ANKRD30A: variants seen among roughly 807,000 people sequenced by gnomAD.
The protein encoded by ANKRD30A is ankyrin repeat domain-containing protein 30A.
ANKRD30A carries 170 observed loss-of-function variants against 166.3 expected under a neutral mutation model. The observed-to-expected ratio is 1.02, with a 90% CI of 0.90 to 1.16. The LOEUF is 1.16. Ranked by LOEUF, ANKRD30A falls within the 50% of genes most tolerant of loss-of-function variation. ANKRD30A has a pLI of 0.00. For missense variants in ANKRD30A, 1,630 were observed against 1,518.0 expected (o/e 1.07, Z -1.23); for synonymous variants, 564 against 508.9 (o/e 1.11, Z -1.46).
the ANKRD30A span, among the ~76,000 whole-genome samples, chr10:37,256,139 A>C: frequency 6.6e-6 from 1 of 152,126 alleles, no homozygotes; most frequent in Non-Finnish European, 1.5e-5. Flanking sequence ...TCATTCCATC[A>C]TACCATTCTG....
chr10:37,241,444 G>A, the ANKRD30A span, among the ~76,000 whole-genome samples: 1 of 151,390 alleles, frequency 6.6e-6, no homozygotes, highest in East Asian at 1.9e-4. Flanking sequence ...AATTTATATG[G>A]CATTTTAAAC....
At chr10:37,207,061 CA>C (rs1166953503) in intron 31 of ANKRD30A, among the ~76,000 whole-genome samples, 4 of 151,764 alleles carry the variant, frequency 2.6e-5, no homozygotes, top group Non-Finnish European at 5.9e-5. Context: ...ATGAGGGGAT[CA>C]AAAAACATTC....
rs1842793186 is a variant in ANKRD30A at position 37,219,691 on chromosome 10, CA to C, written c.3982del (p.Ser1328AlafsTer10). 1 of 1,608,978 alleles carries C rather than the reference CA, an allele frequency of 6.2e-7. No individual in the cohort carries two copies. The highest frequency in any genetic ancestry group is 1.1e-5 in the South Asian group (1 of 90,864). ...ESLDQKLFQLQSKNMWLQQQL... is the reference protein window; with the variant it reads ...ESLDQKLFQLXSKNMWLQQQL... Reference sequence around the variant, plus strand: ...TCTAGATCAGAAATTATTTCAACTACAAAGCAAAAATATGTGGCTTCAACAG... The same window carrying C: ...TCTAGATCAGAAATTATTTCAACTACAAGCAAAAATATGTGGCTTCAACAG... On this transcript the variant is annotated frameshift_variant, in exon 34 of 36. Transcript: ENST00000361713. LOFTEE classifies it high-confidence loss of function.
At chr10:37,162,608 T>A in intron 15 of ANKRD30A, 41 bp from the exon 16 acceptor site, 1 of 1,611,008 alleles carries the variant, frequency 6.2e-7, no homozygotes, top group Non-Finnish European at 8.5e-7. Context: ...TGGCTTGTCA[T>A]ATTTACATAT....
At chr10:37,159,514 A>G (rs997080179) in intron 15 of ANKRD30A, among the ~76,000 whole-genome samples, 3 of 152,148 alleles carry the variant, frequency 2.0e-5, no homozygotes, top group African/African-American at 7.2e-5. Context: ...CTCCATCTGA[A>G]AAAGCAAAGA....
chr10:37,241,576 G>A, the ANKRD30A span, among the ~76,000 whole-genome samples: 1 of 151,926 alleles, frequency 6.6e-6, no homozygotes, highest in Non-Finnish European at 1.5e-5. Context: ...AAACTACCAA[G>A]TTGTTATTAG....
intron 31 of ANKRD30A, among the ~76,000 whole-genome samples, chr10:37,215,425 A>G (rs1414328648): frequency 6.6e-6 from 1 of 151,140 alleles, no homozygotes; most frequent in African/African-American, 2.4e-5. Context: ...GTTTCTTGCT[A>G]TTGCTTCTGT....
intron 15 of ANKRD30A, among the ~76,000 whole-genome samples, chr10:37,159,575 C>G (rs530284644): frequency 1.3e-5 from 2 of 152,040 alleles, no homozygotes; most frequent in Non-Finnish European, 2.9e-5. Flanking sequence ...ACCATGTGTA[C>G]AATTTGTTTT....
chr10:37,142,288 A>G lies in ANKRD30A; in HGVS notation c.1391A>G (p.Asn464Ser), dbSNP rs754022269. ...GAATCATCTACAAAAGCAAGTGCCA[A>G]TGGTAAGATGCTAGAGCGAACTTTG... The part of the protein sequence containing the change: ...TKESSTKASA[N>S]DQRFPSESKQ... Residue 464 changes from asparagine to serine, a missense_variant and splice_region_variant, in exon 7 of 36, where the codon AAT becomes AGT. By Grantham distance (46) the Asn-to-Ser change is conservative. Coordinates refer to ENST00000361713, the MANE Select transcript of ANKRD30A (RefSeq NM_052997.3). The G allele has an allele frequency of 1.4e-5, 23 of 1,587,988 alleles. No individual in the cohort carries two copies. The highest frequency in any genetic ancestry group is 1.9e-5 in the Non-Finnish European group (22 of 1,172,358).
chr10:37,166,131 G>A (rs1839314751), intron 18 of ANKRD30A, among the ~76,000 whole-genome samples: 5 of 152,108 alleles, frequency 3.3e-5, no homozygotes, highest in Admixed American at 3.3e-4. Context: ...TTCTATGACA[G>A]ACTCTAAAAG....
chr10:37,136,945 A>T (rs954099192), intron 6 of ANKRD30A, among the ~76,000 whole-genome samples: 1 of 151,638 alleles, frequency 6.6e-6, no homozygotes, highest in Admixed American at 6.6e-5. Flanking sequence ...CTGAAAAAAT[A>T]TTTGTTTAAT....
intron 1 of ANKRD30A, among the ~76,000 whole-genome samples, chr10:37,128,379 A>G (rs764028062): frequency 7.2e-5 from 11 of 151,922 alleles, no homozygotes; most frequent in Admixed American, 1.3e-4. Context: ...TTTAATTTTT[A>G]TTTTTTGTGG....
chr10:37,250,650 A>G, the ANKRD30A span, among the ~76,000 whole-genome samples: 1 of 152,066 alleles, frequency 6.6e-6, no homozygotes, highest in Admixed American at 6.5e-5. Flanking sequence ...ACCTCTCACA[A>G]ATGGGATGAG....
intron 19 of ANKRD30A, among the ~76,000 whole-genome samples, chr10:37,167,642 T>A (rs917273974): frequency 6.6e-6 from 1 of 151,882 alleles, no homozygotes; most frequent in African/African-American, 2.4e-5. Context: ...CCTGATGAGA[T>A]TTGTACATCT....
Position 37,162,665 on chromosome 10 carries a change from A to G in ANKRD30A, c.1917A>G (p.Pro639=). Residue 639 remains proline (P), a synonymous_variant, in exon 16 of 36, where the codon CCA becomes CCG. Transcript: ENST00000361713. Reference sequence around the variant, plus strand: ...GCTTTTTAGAGCCTCCGGGGAAGCCATCTGCCTTCGAGGTATTTAGTTTTA... The same window carrying G: ...GCTTTTTAGAGCCTCCGGGGAAGCCGTCTGCCTTCGAGGTATTTAGTTTTA... The part of the protein sequence containing the change: ...QTFKAEPPGK[P]SAFEPATEMQ... The G allele has an allele frequency of 6.2e-7, 1 of 1,612,432 alleles. No homozygotes were observed. Among genetic ancestry groups the G allele is most frequent in the Middle Eastern group, 2.0e-4 (1 of 4,918 alleles).
chr10:37,141,019 G>C lies in ANKRD30A; in HGVS notation c.821-699G>C, dbSNP rs1258250901. Among the ~76,000 whole-genome samples, 5 of 152,036 alleles carry C rather than the reference G, an allele frequency of 3.3e-5. No individual in the cohort carries two copies. The South Asian group carries it at 1.0e-3, about 32-fold the overall frequency. ...CCACTTGTCCACTTAACAAATAATT[G>C]TTAGGTATCTTTAAGGTACTAAGCA... On this transcript the variant is annotated intron_variant, in intron 6 of 35. Transcript: ENST00000361713.
At chr10:37,247,844 T>G in the ANKRD30A span, among the ~76,000 whole-genome samples, 9 of 147,028 alleles carry the variant, frequency 6.1e-5, no homozygotes, top group Non-Finnish European at 1.0e-4. Flanking sequence ...ATCGTGCCAC[T>G]GTACTCCAGC....
Position 37,158,587 on chromosome 10 carries a change from G to T in ANKRD30A, c.1900+1G>T. The T allele has an allele frequency of 6.2e-7, 1 of 1,611,862 alleles. No homozygotes were observed. The highest frequency in any genetic ancestry group is 1.1e-5 in the South Asian group (1 of 90,278). The stretch of plus-strand genomic sequence containing the variant: ...AAGGACATGCAAACTTTCAAAGCAG[G>T]TAAATTTTGTAATTTTAATTTTACT... On this transcript the variant is annotated splice_donor_variant, in intron 15 of 35. Transcript: ENST00000361713. LOFTEE classifies it high-confidence loss of function.
At chr10:37,162,911 T>G (rs1474754735) in intron 17 of ANKRD30A, 63 bp downstream of exon 17, 2 of 1,569,442 alleles carry the variant, frequency 1.3e-6, no homozygotes, top group African/African-American at 2.7e-5. Context: ...TTGATGGTCT[T>G]TCTGTACCCA....
Sources: allele counts gnomAD v4.1 joint callset (sites outside exome capture counted in the v4.1 genomes callset), GRCh38; gene constraint gnomAD v4.1.1; transcripts MANE v1.5; gene names NCBI Gene and HGNC (gene_info 2026-07-23, HGNC 2026-07-21).